Variants in BANF2 observed in about 807,000 individuals in gnomAD.
BANF2 encodes the protein barrier-to-autointegration factor-like protein.
A neutral mutation model predicts 8.0 loss-of-function variants in BANF2; 4 were observed. That is an observed-to-expected ratio of 0.50 (90% CI 0.25 to 1.14). The LOEUF (loss-of-function observed/expected upper bound fraction) is 1.14. BANF2 is among the 50% of genes most tolerant of loss of function. BANF2 has a pLI of 0.16. For missense variants in BANF2, 96 were observed against 107.5 expected (o/e 0.89, Z 0.47); for synonymous variants, 50 against 40.6 (o/e 1.23, Z -0.88).
intron 1 of BANF2, among the ~76,000 whole-genome samples, chr20:17,722,483 T>A (rs983793754): frequency 6.6e-5 from 10 of 152,204 alleles, no homozygotes; most frequent in Admixed American, 2.0e-4. Flanking sequence ...ATCCCAATTC[T>A]CAATCCCAAT....
chr20:17,705,492 G>T (rs1399453107), intron 1 of BANF2, among the ~76,000 whole-genome samples: 1 of 152,170 alleles, frequency 6.6e-6, no homozygotes, highest in Non-Finnish European at 1.5e-5. Flanking sequence ...ACAGAACACT[G>T]GTTCAAGGGA....
At chr20:17,695,237 A>G (rs1600206914), upstream of BANF2, among the ~76,000 whole-genome samples, 1 of 151,734 alleles carries the variant, frequency 6.6e-6, no homozygotes, top group Non-Finnish European at 1.5e-5. Flanking sequence ...GCTTGAGCCC[A>G]GGGGTTTGAG....
chr20:17,696,916 T>C (rs1174840924), upstream of BANF2, among the ~76,000 whole-genome samples: 1 of 152,084 alleles, frequency 6.6e-6, no homozygotes, highest in Admixed American at 6.5e-5. Flanking sequence ...TCATTTGGAT[T>C]GTAGTGTGTT....
intron 3 of BANF2, among the ~76,000 whole-genome samples, chr20:17,728,717 G>C (rs1348830653): frequency 1.3e-5 from 2 of 152,034 alleles, no homozygotes; most frequent in Non-Finnish European, 2.9e-5. Context: ...AAGCCTCTTC[G>C]GGAGCTTAAA....
rs111920602 is a variant in BANF2, at chr20:17,715,981, A to G, written c.-166-6735A>G. On this transcript the variant is annotated intron_variant, in intron 1 of 3. Transcript: ENST00000246090. The stretch of plus-strand genomic sequence containing the variant: ...TCCACCCTGGCTTCTTTCTCAGGTG[A>G]GCTCTCCACAACTGTGGTGACCATG... Among the ~76,000 whole-genome samples the G allele has an allele frequency of 5.1e-3, 781 of 152,260 alleles. 7 individuals are homozygous for G. Among genetic ancestry groups the G allele is most frequent in the African/African-American group, 0.018 (742 of 41,538 alleles).
chr20:17,706,763 C>G (rs542920545), intron 1 of BANF2, among the ~76,000 whole-genome samples: 2 of 152,316 alleles, frequency 1.3e-5, no homozygotes, highest in South Asian at 2.1e-4. Context: ...ATTCAATGAG[C>G]AGATGGCAGT....
intron 1 of BANF2, among the ~76,000 whole-genome samples, chr20:17,713,782 C>T (rs1176688398): frequency 1.3e-5 from 2 of 151,990 alleles, no homozygotes; most frequent in African/African-American, 4.8e-5. Flanking sequence ...CTGCAGTGAG[C>T]TATAATCAGG....
At chr20:17,696,535 C>T (rs554490034), upstream of BANF2, among the ~76,000 whole-genome samples, 15 of 152,220 alleles carry the variant, frequency 9.9e-5, no homozygotes, top group African/African-American at 3.1e-4. Context: ...TTTTAATTTG[C>T]ATTTACCTTA....
At chr20:17,703,811 G>C (rs889902438) in intron 1 of BANF2, among the ~76,000 whole-genome samples, 1 of 141,870 alleles carries the variant, frequency 7.0e-6, no homozygotes, top group African/African-American at 2.7e-5. Context: ...GTGTGATCTT[G>C]GCTCACTGCA....
chr20:17,708,319 C>G (rs1362049068), intron 1 of BANF2, among the ~76,000 whole-genome samples: 1 of 152,128 alleles, frequency 6.6e-6, no homozygotes, highest in East Asian at 1.9e-4. Flanking sequence ...TGCAAGGGGG[C>G]ATTTTTCTTG....
intron 1 of BANF2, among the ~76,000 whole-genome samples, chr20:17,708,509 A>G (rs2037521171): frequency 6.6e-6 from 1 of 152,192 alleles, no homozygotes; most frequent in Non-Finnish European, 1.5e-5. Flanking sequence ...TGGGACCCAC[A>G]TTCCAGAAAG....
chr20:17,714,066 C>G (rs190126085), intron 1 of BANF2, among the ~76,000 whole-genome samples: 154 of 151,518 alleles, frequency 1.0e-3, no homozygotes, highest in African/African-American at 3.5e-3. Flanking sequence ...ATTAGCCAGG[C>G]ATGGTGACAG....
intron 2 of BANF2, among the ~76,000 whole-genome samples, chr20:17,723,209 C>T (rs765568347): frequency 3.5e-4 from 54 of 152,204 alleles, no homozygotes; most frequent in Admixed American, 2.7e-3. Flanking sequence ...GACTTCCTTG[C>T]TGAGCCCAGA....
intron 3 of BANF2, among the ~76,000 whole-genome samples, chr20:17,734,273 A>G (rs1469651127): frequency 6.6e-6 from 1 of 152,224 alleles, no homozygotes; most frequent in Non-Finnish European, 1.5e-5. Context: ...CTTATCTTCC[A>G]TGTATTTTTT....
rs1600226253 is a variant in BANF2, at chr20:17,725,286, C to G, written c.126+135C>G. 10 of 1,142,242 alleles carry G rather than the reference C, an allele frequency of 8.8e-6. No homozygotes were observed. In the East Asian group the frequency reaches 2.4e-4, roughly 28 times the overall value. The allele number at this position is 1,142,242 out of a possible 1,614,324, so 70.8% of individuals were successfully genotyped here. A position where few individuals can be genotyped will look rare whatever the true frequency, so the allele number is the denominator to read the frequency against. ...AAAGCTGCCGCTTGGCGGGGTGCCA[C>G]ATGCTTTCGTGCTATTGACCCCACA... On this transcript the variant is annotated intron_variant, in intron 3 of 3. Coordinates refer to ENST00000246090, the MANE Select transcript of BANF2 (RefSeq NM_178477.5).
intron 3 of BANF2, among the ~76,000 whole-genome samples, chr20:17,734,233 A>G (rs546449371): frequency 6.6e-6 from 1 of 152,386 alleles, no homozygotes; most frequent in South Asian, 2.1e-4. Context: ...TGAGAATGCC[A>G]TAAAAATAGA....
intron 1 of BANF2, among the ~76,000 whole-genome samples, chr20:17,705,279 G>A (rs941751261): frequency 6.6e-6 from 1 of 152,206 alleles, no homozygotes; most frequent in Non-Finnish European, 1.5e-5. Flanking sequence ...CAGTTAGAAA[G>A]CTAAAAAATT....
chr20:17,693,736 C>T lies in BANF2; in HGVS notation c.18+30C>T. On this transcript the variant is annotated intron_variant, in intron 1 of 2. Coordinates refer to the BANF2 transcript ENST00000545418. The stretch of plus-strand genomic sequence containing the variant: ...GGCAGATTGGTCTGACTTCCTTGCT[C>T]ACGGTGGGGAAGAGACGGCGGGGAA... The T allele has an allele frequency of 1.9e-6, 3 of 1,551,048 alleles. No individual in the cohort carries two copies. In the South Asian group the frequency reaches 3.6e-5, roughly 18 times the overall value.
chr20:17,735,831 C>T lies in BANF2; in HGVS notation c.*20C>T, dbSNP rs762881301. On this transcript the variant is annotated 3_prime_UTR_variant, in exon 4 of 4. Transcript: ENST00000246090. ...CTGTAGACACAAACCTCATTGCTGC[C>T]CCCCACCACCCTCTGGGGAAAATGA... The T allele has an allele frequency of 3.1e-6, 5 of 1,600,382 alleles. No individual in the cohort carries two copies. In the South Asian group the frequency reaches 3.3e-5, roughly 11 times the overall value.
Sources: allele counts gnomAD v4.1 joint callset (sites outside exome capture counted in the v4.1 genomes callset), GRCh38; gene constraint gnomAD v4.1.1; transcripts MANE v1.5; gene names NCBI Gene and HGNC (gene_info 2026-07-23, HGNC 2026-07-21).